TEX2: variants seen among roughly 807,000 people sequenced by gnomAD.
TEX2 encodes testis-expressed protein 2.
In TEX2, 53 loss-of-function variants were observed where a neutral mutation model predicts 106.9. The observed-to-expected ratio is 0.50, with a 90% CI of 0.40 to 0.62. The LOEUF (loss-of-function observed/expected upper bound fraction) is 0.62. TEX2 is among the 20% of genes least tolerant of loss of function. The probability of loss-of-function intolerance (pLI) is 0.00; values close to 1 mark genes in which losing one functional copy is unlikely to be tolerated. For synonymous variants in TEX2, 523 were observed against 534.8 expected, an observed-to-expected ratio of 0.98 and a Z score of 0.30; for missense variants, 1,207 against 1,379.0, an observed-to-expected ratio of 0.88 and a Z score of 1.98.
intron 2 of TEX2, among the ~76,000 whole-genome samples, chr17:64,197,762 C>G (rs2032522386): frequency 1.3e-5 from 2 of 152,104 alleles, no homozygotes; most frequent in South Asian, 4.1e-4. Context: ...TGGAGTCTTG[C>G]TATGTTGCCC....
In TEX2 at chr17:64,147,548, A is replaced by G. The variant is rs1288861329; in HGVS notation, c.*1421T>C. On this transcript the variant is annotated 3_prime_UTR_variant, in exon 12 of 12. Transcript: ENST00000584379. ...CAGTCATGTGTAATCTCTTTACACG[A>G]TAGTGCATCTAGTCCTTAGCCTTTA... 1 of 152,534 alleles carries G rather than the reference A, an allele frequency of 6.6e-6. No individual in the cohort carries two copies. The highest frequency in any genetic ancestry group is 1.5e-5 in the Non-Finnish European group (1 of 68,046). The allele number at this position is 152,534 out of a possible 1,614,324, so 9.4% of individuals were successfully genotyped here.
intron 5 of TEX2, among the ~76,000 whole-genome samples, chr17:64,178,501 A>T (rs939847647): frequency 2.0e-5 from 3 of 152,116 alleles, no homozygotes; most frequent in Non-Finnish European, 4.4e-5. Flanking sequence ...AAATGAGTGC[A>T]GCGCCTGACA....
At chr17:64,171,796 T>C (rs1194539484) in intron 6 of TEX2, among the ~76,000 whole-genome samples, 1 of 151,090 alleles carries the variant, frequency 6.6e-6, no homozygotes, top group Non-Finnish European at 1.5e-5. Context: ...CTGGCCAACA[T>C]GGTGAAACCC....
rs1030287027 is a variant in TEX2 at position 64,148,748 on chromosome 17, T to C, written c.*221A>G. 5.6e-6 allele frequency: 3 copies of C among 533,088 alleles called. No individual in the cohort carries two copies. The highest frequency in any genetic ancestry group is 9.9e-4 in the Middle Eastern group (2 of 2,028). 33.0% of individuals were successfully genotyped at this position (533,088 alleles called of 1,614,324 possible). On this transcript the variant is annotated 3_prime_UTR_variant, in exon 12 of 12. Coordinates refer to ENST00000584379, the MANE Select transcript of TEX2 (RefSeq NM_001288732.2). ...CACCATGATTCTTCCATGGTCTCCT[T>C]TGCCAAATCAAAGCTTTGCAGCAGG...
In TEX2 at chr17:64,213,028, G is replaced by T; in HGVS notation, c.1190C>A (p.Thr397Lys). 1 of 1,614,204 alleles carries T rather than the reference G, an allele frequency of 6.2e-7. No individual in the cohort carries two copies. Among genetic ancestry groups the T allele is most frequent in the Non-Finnish European group, 8.5e-7 (1 of 1,180,042 alleles). The part of the protein sequence containing the change: ...GSSLKDLGLK[T>K]SSLVLEKCSL... ...ACATTTCTCCAGAACTAGAGAACTT[G>T]TCTTCAGGCCTAAATCCTTCAGACT... is the stretch of plus-strand genomic sequence containing the variant. The change falls in exon 2 of 12, where the codon ACA becomes AAA. Residue 397 changes from threonine to lysine, a missense_variant. Thr to Lys is a moderately conservative substitution (Grantham distance 78). Around this residue, in one of 3 missense-constraint regions of TEX2, gnomAD observed 1,067 missense variants for 1,193.6 expected, o/e 0.89. Coordinates refer to ENST00000584379, the MANE Select transcript of TEX2 (RefSeq NM_001288732.2). The surrounding 1 kb of genome is among the most constrained non-coding windows in gnomAD (Gnocchi z 4.4).
In TEX2 at chr17:64,236,297, G is replaced by C. The variant is rs540577841; in HGVS notation, c.-25-22055C>G. ...TTATTTAAAGTATATATGAGGGCTG[G>C]GCCCAGTGTAATCCCAGCACTTTGG... is the stretch of plus-strand genomic sequence containing the variant. On this transcript the variant is annotated intron_variant, in intron 1 of 11. Coordinates refer to ENST00000584379, the MANE Select transcript of TEX2 (RefSeq NM_001288732.2). Among the ~76,000 whole-genome samples the C allele has an allele frequency of 5.9e-5, 9 of 151,982 alleles. No individual in the cohort carries two copies. The East Asian group carries it at 1.5e-3, about 26-fold the overall frequency.
chr17:64,219,845 C>T (rs1555633076), intron 1 of TEX2, among the ~76,000 whole-genome samples: 1 of 152,212 alleles, frequency 6.6e-6, no homozygotes, highest in Admixed American at 6.5e-5. Flanking sequence ...TCCTCCCCTA[C>T]CCCACTCAGA....
chr17:64,149,279 G>A (rs1055808846), intron 11 of TEX2, 188 bp from the exon 12 acceptor site: 5 of 591,686 alleles, frequency 8.5e-6, no homozygotes, highest in African/African-American at 7.5e-5. Flanking sequence ...ACCAGCGCAT[G>A]GATACGAGAA....
At chr17:64,207,655 C>G (rs186125682) in intron 2 of TEX2, among the ~76,000 whole-genome samples, 1 of 152,266 alleles carries the variant, frequency 6.6e-6, no homozygotes, top group African/African-American at 2.4e-5. Context: ...CACTTTAAAG[C>G]CATCAACCTG....
intron 8 of TEX2, among the ~76,000 whole-genome samples, chr17:64,160,448 G>A (rs892462075): frequency 2.6e-5 from 4 of 152,172 alleles, no homozygotes; most frequent in African/African-American, 9.7e-5. Flanking sequence ...TCCACATATT[G>A]CTGTTTATGA....
Position 64,212,741 on chromosome 17 carries a change from G to T in TEX2, c.1477C>A (p.His493Asn), listed in dbSNP as rs150988396. Residue 493 changes from histidine to asparagine, a missense_variant, in exon 2 of 12, where the codon CAC becomes AAC. By Grantham distance (68) the His-to-Asn change is moderately conservative. Transcript: ENST00000584379. ...VYVYLILPLP[H>N]YVSGLFLGIG... ...CCCAGAAAGAGTCCACTCACATAGT[G>T]GGGGAGGGGGAGGATGAGGTACACA... 12 of 1,614,148 alleles carry T rather than the reference G, an allele frequency of 7.4e-6. No individual in the cohort carries two copies. Among genetic ancestry groups the T allele is most frequent in the Admixed American group, 1.7e-5 (1 of 60,022 alleles).
At chr17:64,161,970 G>A (rs192616354) in intron 7 of TEX2, among the ~76,000 whole-genome samples, 49 of 151,970 alleles carry the variant, frequency 3.2e-4, no homozygotes, top group African/African-American at 1.0e-3. Context: ...TCCCCTACAC[G>A]GCCACCACCT....
chr17:64,214,707 C>T (rs956042912), intron 1 of TEX2, among the ~76,000 whole-genome samples: 3 of 152,192 alleles, frequency 2.0e-5, no homozygotes, highest in Non-Finnish European at 2.9e-5. Context: ...AGGGGTATTG[C>T]GTTCACTGCA....
intron 1 of TEX2, among the ~76,000 whole-genome samples, chr17:64,252,196 G>A (rs1333878762): frequency 6.6e-6 from 1 of 152,154 alleles, no homozygotes; most frequent in Non-Finnish European, 1.5e-5. Flanking sequence ...TGGTTTCTCA[G>A]AACATGTTTT....
intron 7 of TEX2, among the ~76,000 whole-genome samples, chr17:64,164,435 A>AG (rs915744829): frequency 1.0e-4 from 15 of 143,740 alleles, no homozygotes; most frequent in Admixed American, 2.8e-4. Flanking sequence ...AAGAAGAAGA[A>AG]AAAAAAAAAA....
At chr17:64,249,254 G>A (rs1406776455) in intron 1 of TEX2, among the ~76,000 whole-genome samples, 3 of 152,046 alleles carry the variant, frequency 2.0e-5, no homozygotes, top group Non-Finnish European at 4.4e-5. Context: ...CTCACTCAAC[G>A]TTAACCAATC....
At chr17:64,149,816 G>C (rs1323680238) in intron 11 of TEX2, 3 of 151,984 alleles carry the variant, frequency 2.0e-5, no homozygotes, top group Non-Finnish European at 4.4e-5. Flanking sequence ...TACTCGGGAG[G>C]CTGAGGCATG....
At chr17:64,231,742 G>A (rs1555634663) in intron 1 of TEX2, among the ~76,000 whole-genome samples, 7 of 152,188 alleles carry the variant, frequency 4.6e-5, no homozygotes, top group Non-Finnish European at 1.0e-4. Context: ...CCCAGCTTTG[G>A]ATTCCAGTTC....
chr17:64,196,982 A>ATTTTTTTTTTTTTTTTTT (rs59960456), intron 2 of TEX2, among the ~76,000 whole-genome samples: 1 of 63,568 alleles, frequency 1.6e-5, no homozygotes, highest in Non-Finnish European at 2.9e-5. Context: ...TCAAATCAAG[A>ATTTTTTTTTTTTTTTTTT]TTTTTTTTTT....
Sources: gnomAD v4.1 joint callset for allele counts (sites outside exome capture counted in the v4.1 genomes callset) on GRCh38, gnomAD v4.1.1 for gene constraint, gnomAD v4.1.1 regional missense constraint, Gnocchi (gnomAD v3.1) non-coding constraint, MANE v1.5 for transcripts, NCBI Gene and HGNC (gene_info 2026-07-23, HGNC 2026-07-21) for gene names.